The following PRDM16 variants were observed in gnomAD, a reference collection of about 807,000 sequenced individuals.
PRDM16 encodes PR/SET domain 16.
In PRDM16, 23 loss-of-function variants were observed where a neutral mutation model predicts 110.6. That is an observed-to-expected ratio of 0.21 (90% CI 0.15 to 0.29). PRDM16 has a LOEUF of 0.29. Ranked by LOEUF, PRDM16 falls within the 10% of genes least tolerant of loss-of-function variation. The pLI, the probability that PRDM16 is intolerant of heterozygous loss-of-function variation, is 1.00. For synonymous variants in PRDM16, 799 were observed against 781.8 expected, an observed-to-expected ratio of 1.02 and a Z score of -0.37; for missense variants, 1,615 against 1,794.3, an observed-to-expected ratio of 0.90 and a Z score of 1.81.
At chr1:3,377,410 G>A in intron 3 of PRDM16, among the ~76,000 whole-genome samples, 1 of 152,236 alleles carries the variant, frequency 6.6e-6, no homozygotes, top group African/African-American at 2.4e-5. Flanking sequence ...ACTGAACCTG[G>A]AGGACCAGCC....
chr1:3,141,830 T>TG (rs1181711746), intron 1 of PRDM16, among the ~76,000 whole-genome samples: 2 of 152,142 alleles, frequency 1.3e-5, no homozygotes, highest in African/African-American at 2.4e-5. Context: ...TCAGTTGGGG[T>TG]GGGGGCGGCC....
Position 3,412,283 on chromosome 1 carries a change from A to G in PRDM16, c.2086A>G (p.Ile696Val), listed in dbSNP as rs1643704859. ...CGCCGCCGGGGACTCCATCAAGGCC[A>G]TCGCATCCATTGCCGAGAAGTACTT... ...TGAAGDSIKA[I>V]ASIAEKYFGP... The change falls in exon 9 of 17, where the codon ATC (isoleucine) becomes GTC (valine). Residue 696 changes from isoleucine to valine, a missense_variant. This residue lies in a region of PRDM16 where 772 missense variants were observed against 748.3 expected (regional missense o/e 1.03). Transcript: ENST00000270722. The G allele has an allele frequency of 6.2e-7, 1 of 1,613,574 alleles. No homozygotes were observed. Among genetic ancestry groups the G allele is most frequent in the Non-Finnish European group, 8.5e-7 (1 of 1,180,044 alleles).
In PRDM16 at chr1:3,412,180, C is replaced by A. The variant is rs764211215; in HGVS notation, c.1983C>A (p.Ser661Arg). The A allele has an allele frequency of 1.3e-6, 2 of 1,588,434 alleles. No homozygotes were observed. The highest frequency in any genetic ancestry group is 3.4e-5 in the Admixed American group (2 of 58,666). Residue 661 changes from serine (S) to arginine (R), a missense_variant, in exon 9 of 17, where the codon AGC (serine) becomes AGA (arginine). By Grantham distance (110) the Ser-to-Arg change is moderately radical. Around this residue, in one of 5 missense-constraint regions of PRDM16, gnomAD observed 772 missense variants for 748.3 expected, o/e 1.03. Transcript: ENST00000270722. ...TGGCGCCCCCGGGGGCCCCGAACAG[C>A]GTGGCCGAGGTGCCTGTCTTCTATT... is the stretch of plus-strand genomic sequence containing the variant. ...GGLAPPGAPN[S>R]VAEVPVFYSQ... is the part of the protein sequence containing the mutation.
intron 3 of PRDM16, among the ~76,000 whole-genome samples, chr1:3,270,059 TGACAGTCCCAGAG>T (rs1335134905): frequency 7.6e-6 from 1 of 132,384 alleles, no homozygotes; most frequent in African/African-American, 2.9e-5. Flanking sequence ...TCCCGGAGGA[TGACAGTCCCAGAG>T]GACAGTCCCA....
chr1:3,217,670 G>A (rs1639061130), intron 2 of PRDM16, among the ~76,000 whole-genome samples: 2 of 152,190 alleles, frequency 1.3e-5, no homozygotes, highest in Admixed American at 6.5e-5. Flanking sequence ...TTTCACTCAC[G>A]GCCCTGCTCT....
At chr1:3,372,000 T>A (rs747840536) in intron 3 of PRDM16, among the ~76,000 whole-genome samples, 1 of 152,216 alleles carries the variant, frequency 6.6e-6, no homozygotes, top group African/African-American at 2.4e-5. Flanking sequence ...ATGAGAAGAC[T>A]CTGAGCTGCT....
Position 3,411,840 on chromosome 1 carries a change from C to T in PRDM16, c.1643C>T (p.Pro548Leu), listed in dbSNP as rs1643692745. 6.2e-7 allele frequency: 1 copy of T among 1,611,614 alleles called. No individual in the cohort carries two copies. Among genetic ancestry groups the T allele is most frequent in the Non-Finnish European group, 8.5e-7 (1 of 1,178,758 alleles). The change falls in exon 9 of 17, where the codon CCC becomes CTC. Residue 548 changes from proline to leucine, a missense_variant. By Grantham distance (98) the Pro-to-Leu change is moderately conservative. Coordinates refer to ENST00000270722, the MANE Select transcript of PRDM16 (RefSeq NM_022114.4). Reference sequence around the variant, plus strand: ...AACCACACCCAGGACGCCAAGCTCCCCAGTCCCCTGGGGAACCCAGCCCTG... The same window carrying T: ...AACCACACCCAGGACGCCAAGCTCCTCAGTCCCCTGGGGAACCCAGCCCTG... ...PLNHTQDAKLPSPLGNPALPL... is the reference protein window; with the variant it reads ...PLNHTQDAKLLSPLGNPALPL...
intron 3 of PRDM16, among the ~76,000 whole-genome samples, chr1:3,381,400 G>GT (rs58504087): frequency 0.031 from 4,216 of 135,102 alleles, 72 homozygotes; most frequent in East Asian, 0.058. Context: ...TTTTTTTCTG[G>GT]TTTTTTTTTT....
At chr1:3,333,164 A>G (rs1642078136) in intron 3 of PRDM16, among the ~76,000 whole-genome samples, 1 of 152,122 alleles carries the variant, frequency 6.6e-6, no homozygotes, top group South Asian at 2.1e-4. Context: ...CCAGGCAGCA[A>G]GGTGGTGGGG....
At chr1:3,355,238 G>A (rs554443948) in intron 3 of PRDM16, among the ~76,000 whole-genome samples, 2 of 152,196 alleles carry the variant, frequency 1.3e-5, no homozygotes, top group South Asian at 2.1e-4. Flanking sequence ...CCTGGCAGGA[G>A]GGGGAGGGAG....
chr1:3,120,014 GC>G (rs1349841910), intron 1 of PRDM16, among the ~76,000 whole-genome samples: 1 of 137,994 alleles, frequency 7.2e-6, no homozygotes, highest in Non-Finnish European at 1.6e-5. Flanking sequence ...TAGCTTGGGA[GC>G]CCCGCCTGGT....
intron 1 of PRDM16, among the ~76,000 whole-genome samples, chr1:3,087,463 G>A (rs1642176739): frequency 6.6e-6 from 1 of 152,226 alleles, no homozygotes; most frequent in Non-Finnish European, 1.5e-5. Context: ...CTGCCTTGGG[G>A]TCAGGTTAGG....
chr1:3,147,641 TG>T (rs1643701461), intron 1 of PRDM16, among the ~76,000 whole-genome samples: 1 of 152,272 alleles, frequency 6.6e-6, no homozygotes, highest in Admixed American at 6.5e-5. Context: ...AGGCACATCT[TG>T]GTTCTGCGTC....
At chr1:3,253,897 C>T (rs1382934711) in intron 3 of PRDM16, among the ~76,000 whole-genome samples, 1 of 152,112 alleles carries the variant, frequency 6.6e-6, no homozygotes, top group African/African-American at 2.4e-5. Flanking sequence ...TAATGATTGC[C>T]ATTCTGACTG....
chr1:3,135,967 G>A (rs1033869549), intron 1 of PRDM16, among the ~76,000 whole-genome samples: 1 of 152,168 alleles, frequency 6.6e-6, no homozygotes, highest in African/African-American at 2.4e-5. Flanking sequence ...GGAGAGCCTG[G>A]GCGTCTCCCT....
At chr1:3,356,453 C>T (rs1642604620) in intron 3 of PRDM16, among the ~76,000 whole-genome samples, 1 of 152,214 alleles carries the variant, frequency 6.6e-6, no homozygotes, top group African/African-American at 2.4e-5. Context: ...GGGAGGCAAG[C>T]ATTTGAAATC....
chr1:3,129,650 T>C (rs1643292983), intron 1 of PRDM16, among the ~76,000 whole-genome samples: 1 of 152,114 alleles, frequency 6.6e-6, no homozygotes. Context: ...TCCTCCGCAG[T>C]TACGTGGGAG....
rs113857543 is a variant in PRDM16 at position 3,146,470 on chromosome 1, G to A, written c.38-39655G>A. Among the ~76,000 whole-genome samples the A allele has an allele frequency of 6.4e-4, 97 of 151,574 alleles. 1 individual carries two copies. Among genetic ancestry groups the A allele is most frequent in the Admixed American group, 3.9e-3 (59 of 15,236 alleles). On this transcript the variant is annotated intron_variant, in intron 1 of 16. Transcript: ENST00000270722. Reference sequence around the variant, plus strand: ...CACATGTGTTCAGTGTGGGGTGTGCGCACATGTGTGCTTGGTTGGGGTGTA... The same window carrying A: ...CACATGTGTTCAGTGTGGGGTGTGCACACATGTGTGCTTGGTTGGGGTGTA...
intron 3 of PRDM16, among the ~76,000 whole-genome samples, chr1:3,304,529 A>G (rs1464459745): frequency 6.6e-6 from 1 of 152,146 alleles, no homozygotes; most frequent in Non-Finnish European, 1.5e-5. Flanking sequence ...TGTCCACACG[A>G]GGAGCACAGC....
Sources: gnomAD v4.1 joint callset for allele counts (sites outside exome capture counted in the v4.1 genomes callset) on GRCh38, gnomAD v4.1.1 for gene constraint, gnomAD v4.1.1 regional missense constraint, MANE v1.5 for transcripts, NCBI Gene and HGNC (gene_info 2026-07-23, HGNC 2026-07-21) for gene names.